The following NEGR1 variants were observed in gnomAD, a reference collection of about 807,000 sequenced individuals.
NEGR1 encodes neuronal growth regulator 1.
Under a neutral mutation model 40.9 loss-of-function variants are expected in NEGR1, and 10 were observed. That is an observed-to-expected ratio of 0.24 (90% CI 0.15 to 0.42). The LOEUF (loss-of-function observed/expected upper bound fraction) is 0.42, where lower values mean the gene tolerates loss of function less well. Ranked by LOEUF, NEGR1 falls within the 10% of genes least tolerant of loss-of-function variation. The pLI is 1.00. For missense variants in NEGR1, 352 were observed against 438.9 expected, an observed-to-expected ratio of 0.80 and a Z score of 1.77; for synonymous variants, 185 against 166.8, an observed-to-expected ratio of 1.11 and a Z score of -0.84.
intron 1 of NEGR1, among the ~76,000 whole-genome samples, chr1:72,150,553 G>C (rs189680085): frequency 6.6e-6 from 1 of 152,070 alleles, no homozygotes; most frequent in Non-Finnish European, 1.5e-5. Context: ...TACAGTGTCT[G>C]TTTCAAATCT....
intron 2 of NEGR1, among the ~76,000 whole-genome samples, chr1:71,835,482 A>T (rs1003202949): frequency 6.6e-6 from 1 of 151,996 alleles, no homozygotes; most frequent in African/African-American, 2.4e-5. Flanking sequence ...CAACCTCTCT[A>T]CTTCCTTATT....
intron 1 of NEGR1, among the ~76,000 whole-genome samples, chr1:72,134,405 C>T (rs1435090797): frequency 4.0e-5 from 6 of 151,880 alleles, no homozygotes; most frequent in Middle Eastern, 3.4e-3. Flanking sequence ...AGGGTTTCAC[C>T]GTGTTAGCCA....
chr1:71,712,924 C>T (rs965288468), intron 3 of NEGR1, among the ~76,000 whole-genome samples: 1 of 152,180 alleles, frequency 6.6e-6, no homozygotes, highest in Admixed American at 6.5e-5. Context: ...CATTCTGCCA[C>T]AATTGTAAGT....
chr1:71,733,875 A>G (rs1397341263), intron 3 of NEGR1, among the ~76,000 whole-genome samples: 1 of 152,212 alleles, frequency 6.6e-6, no homozygotes, highest in East Asian at 1.9e-4. Flanking sequence ...TCCCCCCACT[A>G]TCAAATGGAT....
intron 6 of NEGR1, among the ~76,000 whole-genome samples, chr1:71,558,641 A>G (rs1278129134): frequency 2.0e-5 from 3 of 150,490 alleles, no homozygotes; most frequent in South Asian, 2.1e-4. Flanking sequence ...TGTAGCTTAA[A>G]TTGTTCCAGT....
intron 2 of NEGR1, among the ~76,000 whole-genome samples, chr1:71,853,814 C>T (rs1296506253): frequency 6.6e-6 from 1 of 152,090 alleles, no homozygotes; most frequent in Non-Finnish European, 1.5e-5. Context: ...GTTATTTGGA[C>T]AGGATTACAT....
chr1:71,730,942 A>G (rs1248126299), intron 3 of NEGR1, among the ~76,000 whole-genome samples: 1 of 149,620 alleles, frequency 6.7e-6, no homozygotes, highest in Non-Finnish European at 1.5e-5. Flanking sequence ...TGATTATACA[A>G]AGAAATTACC....
At chr1:72,194,579 C>G (rs1483156581) in intron 1 of NEGR1, among the ~76,000 whole-genome samples, 1 of 151,930 alleles carries the variant, frequency 6.6e-6, no homozygotes, top group Non-Finnish European at 1.5e-5. Flanking sequence ...CTGAAAATAA[C>G]CAGGAAGCTC....
chr1:71,767,112 G>T (rs1460464247), intron 3 of NEGR1, among the ~76,000 whole-genome samples: 2 of 152,168 alleles, frequency 1.3e-5, no homozygotes, highest in East Asian at 3.9e-4. Context: ...GAGGAGTAGG[G>T]CATTGCTATA....
At chr1:71,429,074 T>G (rs2101290784) in intron 6 of NEGR1, among the ~76,000 whole-genome samples, 1 of 152,310 alleles carries the variant, frequency 6.6e-6, no homozygotes, top group Middle Eastern at 3.4e-3. Flanking sequence ...TACATAATTT[T>G]TTAGTTCTTT....
intron 1 of NEGR1, among the ~76,000 whole-genome samples, chr1:71,938,773 C>T (rs76169463): frequency 0.016 from 2,508 of 152,092 alleles, 30 homozygotes; most frequent in Middle Eastern, 0.071. Context: ...ATAAAGCATG[C>T]GCATGAACAG....
chr1:72,211,121 A>T (rs1653590528), intron 1 of NEGR1, among the ~76,000 whole-genome samples: 2 of 151,822 alleles, frequency 1.3e-5, no homozygotes. Flanking sequence ...ATCCTCTTTC[A>T]TCAGTGCCAT....
At chr1:72,037,466 A>G (rs1390300221) in intron 1 of NEGR1, among the ~76,000 whole-genome samples, 1 of 152,132 alleles carries the variant, frequency 6.6e-6, no homozygotes, top group Non-Finnish European at 1.5e-5. Flanking sequence ...CAGGAAATAA[A>G]CGTGGGCAAT....
chr1:71,968,470 G>C (rs1307381272), intron 1 of NEGR1, among the ~76,000 whole-genome samples: 1 of 151,962 alleles, frequency 6.6e-6, no homozygotes, highest in South Asian at 2.1e-4. Context: ...CTAGAAACTG[G>C]GGATGCATCC....
chr1:71,423,493 G>T (rs987485194), intron 6 of NEGR1, among the ~76,000 whole-genome samples: 1 of 152,106 alleles, frequency 6.6e-6, no homozygotes, highest in East Asian at 1.9e-4. Context: ...TGTCATTATT[G>T]CATAGATACT....
At chr1:72,173,066 G>T in intron 1 of NEGR1, among the ~76,000 whole-genome samples, 1 of 151,682 alleles carries the variant, frequency 6.6e-6, no homozygotes, top group East Asian at 2.0e-4. Flanking sequence ...GAGTGTAGTG[G>T]CATGGTCTTG....
intron 4 of NEGR1, among the ~76,000 whole-genome samples, chr1:71,681,013 G>T (rs1652821001): frequency 6.6e-6 from 1 of 152,184 alleles, no homozygotes; most frequent in Non-Finnish European, 1.5e-5. Flanking sequence ...GGGTCCAGGT[G>T]ACTCTCCTGT....
chr1:71,605,013 T>A (rs1381401914), intron 5 of NEGR1, among the ~76,000 whole-genome samples: 2 of 152,128 alleles, frequency 1.3e-5, no homozygotes, highest in Non-Finnish European at 2.9e-5. Flanking sequence ...ATTGGAGTAA[T>A]TTATGTTTAC....
intron 1 of NEGR1, among the ~76,000 whole-genome samples, chr1:72,041,985 TTGAGACTCTCAA>T (rs1646960697): frequency 1.4e-5 from 2 of 141,152 alleles, no homozygotes; most frequent in African/African-American, 5.2e-5. Flanking sequence ...TAATACATAT[TTGAGACTCTCAA>T]ATATATAATA....
Sources: allele counts gnomAD v4.1 joint callset (sites outside exome capture counted in the v4.1 genomes callset), GRCh38; gene constraint gnomAD v4.1.1; transcripts MANE v1.5; gene names NCBI Gene and HGNC (gene_info 2026-07-23, HGNC 2026-07-21).